The following RCL1 variants were observed in gnomAD, a reference collection of about 807,000 sequenced individuals.
RCL1 encodes RNA 3'-terminal phosphate cyclase-like protein.
In RCL1, 24 loss-of-function variants were observed where a neutral mutation model predicts 42.4. The ratio of observed to expected loss-of-function variants is 0.57; its 90% CI spans 0.41 to 0.80. The LOEUF is 0.80. RCL1 is among the 30% of genes least tolerant of loss of function. RCL1 has a pLI of 0.00. For missense variants in RCL1, 578 were observed against 467.9 expected (o/e 1.24, Z -2.17); for synonymous variants, 228 against 177.3 (o/e 1.29, Z -2.27).
Position 4,844,669 on chromosome 9 carries a change from G to C in RCL1, c.855G>C (p.Glu285Asp), listed in dbSNP as rs1193118038. 3 of 1,613,084 alleles carry C rather than the reference G, an allele frequency of 1.9e-6. No homozygotes were observed. The highest frequency in any genetic ancestry group is 2.5e-6 in the Non-Finnish European group (3 of 1,179,788). Residue 285 changes from glutamate (E) to aspartate (D), a missense_variant, in exon 7 of 9, where the codon GAG (glutamate) becomes GAC (aspartate). Coordinates refer to ENST00000381750, the MANE Select transcript of RCL1 (RefSeq NM_005772.5). Reference sequence around the variant, plus strand: ...GGAACTGTGCCCGGCTGCTGCTGGAGGAAATCTACAGGGTATGTCCACAGC... The same window carrying C: ...GGAACTGTGCCCGGCTGCTGCTGGACGAAATCTACAGGGTATGTCCACAGC... Reference protein sequence around the residue: ...LGRNCARLLLEEIYRGGCVDS... With the variant: ...LGRNCARLLLDEIYRGGCVDS...
chr9:4,822,638 C>T (rs1004843202), intron 1 of RCL1, among the ~76,000 whole-genome samples: 8 of 151,932 alleles, frequency 5.3e-5, no homozygotes, highest in East Asian at 3.9e-4. Context: ...GTGAATATAA[C>T]GAGACCCTAT....
intron 3 of RCL1, among the ~76,000 whole-genome samples, chr9:4,829,252 T>A (rs1816870011): frequency 4.0e-5 from 6 of 151,866 alleles, no homozygotes; most frequent in Admixed American, 3.9e-4. Context: ...GGAGGTTGAG[T>A]GAAAGATGAA....
At chr9:4,844,197 G>A (rs1320481571) in intron 6 of RCL1, among the ~76,000 whole-genome samples, 1 of 152,170 alleles carries the variant, frequency 6.6e-6, no homozygotes, top group Non-Finnish European at 1.5e-5. Context: ...GTTAAAGGGG[G>A]CAGGTCTGTG....
chr9:4,799,045 C>G (rs1842957486), intron 1 of RCL1, among the ~76,000 whole-genome samples: 1 of 120,034 alleles, frequency 8.3e-6, no homozygotes, highest in Non-Finnish European at 1.7e-5. Flanking sequence ...CCCTTCCCCC[C>G]TCTCTCCCTC....
chr9:4,814,053 G>A (rs1417517521), intron 1 of RCL1, among the ~76,000 whole-genome samples: 2 of 152,060 alleles, frequency 1.3e-5, no homozygotes, highest in Non-Finnish European at 2.9e-5. Context: ...TGGGGGGAAT[G>A]ACGAGTTAAT....
intron 3 of RCL1, among the ~76,000 whole-genome samples, chr9:4,830,732 A>G (rs1024446632): frequency 6.6e-6 from 1 of 152,208 alleles, no homozygotes; most frequent in African/African-American, 2.4e-5. Context: ...TAATTCTTCT[A>G]CCAACCCAGT....
intron 8 of RCL1, among the ~76,000 whole-genome samples, chr9:4,853,436 C>G (rs1817825336): frequency 6.6e-6 from 1 of 152,024 alleles, no homozygotes; most frequent in Admixed American, 6.6e-5. Flanking sequence ...ATTCTCCTGC[C>G]TCAGCCTCCT....
intron 1 of RCL1, among the ~76,000 whole-genome samples, chr9:4,819,083 G>C (rs952916090): frequency 4.6e-5 from 7 of 152,092 alleles, no homozygotes; most frequent in Non-Finnish European, 1.0e-4. Flanking sequence ...TTTAAATTTT[G>C]TGTATTTTAA....
intron 3 of RCL1, among the ~76,000 whole-genome samples, chr9:4,827,779 T>TGA (rs1554639342): frequency 4.5e-4 from 67 of 149,528 alleles, no homozygotes; most frequent in Non-Finnish European, 6.4e-4. Context: ...TGTGTGTGTG[T>TGA]GAGAGAGAGA....
intron 5 of RCL1, 58 bp from the exon 6 acceptor site, chr9:4,841,174 C>G: frequency 6.2e-7 from 1 of 1,603,214 alleles, no homozygotes; most frequent in South Asian, 1.1e-5. Flanking sequence ...AGCTTTATAA[C>G]TGATTTTTCT....
intron 1 of RCL1, among the ~76,000 whole-genome samples, chr9:4,818,544 G>A (rs185296031): frequency 1.3e-5 from 2 of 152,222 alleles, no homozygotes; most frequent in East Asian, 3.9e-4. Flanking sequence ...TCCTAATTTT[G>A]CATGTTAACA....
intron 1 of RCL1, among the ~76,000 whole-genome samples, chr9:4,812,489 C>G (rs1816214837): frequency 6.6e-6 from 1 of 152,170 alleles, no homozygotes; most frequent in South Asian, 2.1e-4. Flanking sequence ...GTCTTAATCT[C>G]CTGGGCTCAA....
intron 7 of RCL1, among the ~76,000 whole-genome samples, chr9:4,847,374 T>C (rs952186846): frequency 1.3e-5 from 2 of 152,224 alleles, no homozygotes; most frequent in African/African-American, 4.8e-5. Context: ...GAATGAGTGG[T>C]AAAAAATCCA....
chr9:4,801,718 C>CTTTT (rs57255135), intron 1 of RCL1, among the ~76,000 whole-genome samples: 3 of 111,466 alleles, frequency 2.7e-5, no homozygotes, highest in South Asian at 2.9e-4. Context: ...GGTTGCGATT[C>CTTTT]TTTTTTTTTT....
At chr9:4,832,359 G>A (rs1362404570) in intron 3 of RCL1, among the ~76,000 whole-genome samples, 1 of 152,182 alleles carries the variant, frequency 6.6e-6, no homozygotes, top group East Asian at 1.9e-4. Flanking sequence ...CTGCCTGTGT[G>A]GTGCTCATCA....
intron 1 of RCL1, among the ~76,000 whole-genome samples, chr9:4,795,425 G>T (rs1287719035): frequency 1.3e-5 from 2 of 152,102 alleles, no homozygotes; most frequent in Non-Finnish European, 2.9e-5. Context: ...AGATAGATAT[G>T]CATTTGCAGA....
intron 1 of RCL1, among the ~76,000 whole-genome samples, chr9:4,819,147 G>A (rs1263798935): frequency 6.6e-6 from 1 of 152,178 alleles, no homozygotes; most frequent in Non-Finnish European, 1.5e-5. Flanking sequence ...TATAGAGCAG[G>A]GGTCCTCAAC....
At chr9:4,839,590 C>A in intron 5 of RCL1, 1 of 880,530 alleles carries the variant, frequency 1.1e-6, no homozygotes, top group Non-Finnish European at 1.4e-6. Flanking sequence ...GACTGTTTGT[C>A]TAAGCTGTCT....
chr9:4,850,287 A>T (rs759263836), intron 8 of RCL1: 2 of 533,330 alleles, frequency 3.8e-6, no homozygotes, highest in South Asian at 2.8e-5. Flanking sequence ...TCAGGTAGAT[A>T]TGAGACTGAA....
Sources: gnomAD v4.1 joint callset for allele counts (sites outside exome capture counted in the v4.1 genomes callset) on GRCh38, gnomAD v4.1.1 for gene constraint, MANE v1.5 for transcripts, NCBI Gene and HGNC (gene_info 2026-07-23, HGNC 2026-07-21) for gene names.